QTMAN: variants seen among roughly 807,000 people sequenced by gnomAD.
QTMAN encodes queuosine-tRNA mannosyltransferase, also known as tRNA-queuosine alpha-mannosyltransferase.
At chr2:144,156,594 A>G in the QTMAN span, among the ~76,000 whole-genome samples, 1 of 152,096 alleles carries the variant, frequency 6.6e-6, no homozygotes, top group African/African-American at 2.4e-5. Flanking sequence ...ACAGAGGGGA[A>G]ACATTTAAAA....
chr2:144,177,802 GC>G, the QTMAN span, among the ~76,000 whole-genome samples: 1 of 152,108 alleles, frequency 6.6e-6, no homozygotes, highest in Admixed American at 6.6e-5. Flanking sequence ...TTTTCTGGTA[GC>G]CAGTGAAATT....
chr2:144,184,976 A>G, the QTMAN span, among the ~76,000 whole-genome samples: 1 of 152,148 alleles, frequency 6.6e-6, no homozygotes, highest in Non-Finnish European at 1.5e-5. Flanking sequence ...AGCTTTTTCA[A>G]CTGTAAAAAA....
chr2:143,956,860 A>C, the QTMAN span, among the ~76,000 whole-genome samples: 1 of 152,120 alleles, frequency 6.6e-6, no homozygotes, highest in African/African-American at 2.4e-5. Context: ...AGTTATAAGA[A>C]TCCACACAGT....
At chr2:144,065,877 G>C in the QTMAN span, among the ~76,000 whole-genome samples, 1 of 150,968 alleles carries the variant, frequency 6.6e-6, no homozygotes. Flanking sequence ...TCCAGAAAGA[G>C]AGACATGTCA....
the QTMAN span, among the ~76,000 whole-genome samples, chr2:144,239,167 GAAAAGAAAA>G: frequency 2.4e-4 from 32 of 135,806 alleles, 1 homozygote; most frequent in Admixed American, 1.0e-3. Context: ...TTAAAAAAAA[GAAAAGAAAA>G]AAAAGAAAAA....
the QTMAN span, among the ~76,000 whole-genome samples, chr2:144,092,222 C>T: frequency 6.6e-6 from 1 of 151,008 alleles, no homozygotes; most frequent in South Asian, 2.1e-4. Context: ...GTCACCCAGG[C>T]TGGAGTGCAG....
chr2:144,197,566 G>A, the QTMAN span, among the ~76,000 whole-genome samples: 627 of 152,060 alleles, frequency 4.1e-3, 3 homozygotes, highest in African/African-American at 0.015. Context: ...GTTTAATTGT[G>A]ACCTCTGTAA....
At chr2:144,185,961 A>C in the QTMAN span, among the ~76,000 whole-genome samples, 1 of 152,234 alleles carries the variant, frequency 6.6e-6, no homozygotes, top group Non-Finnish European at 1.5e-5. Context: ...CAGGCAATGT[A>C]TGTTTGCCTG....
the QTMAN span, among the ~76,000 whole-genome samples, chr2:144,028,173 C>G: frequency 4.6e-5 from 7 of 152,138 alleles, no homozygotes; most frequent in African/African-American, 1.7e-4. Flanking sequence ...AGCAACCACA[C>G]CACTCTGCTC....
chr2:144,332,753 G>A, the QTMAN span, among the ~76,000 whole-genome samples: 1 of 151,960 alleles, frequency 6.6e-6, no homozygotes, highest in Non-Finnish European at 1.5e-5. Context: ...ACTGTCCCCC[G>A]GCCTCGCACT....
chr2:144,115,285 G>C, the QTMAN span, among the ~76,000 whole-genome samples: 1 of 152,118 alleles, frequency 6.6e-6, no homozygotes, highest in African/African-American at 2.4e-5. Context: ...CTCTACGGTG[G>C]TTGTCTCTTT....
chr2:144,299,114 C>G, the QTMAN span, among the ~76,000 whole-genome samples: 2 of 152,156 alleles, frequency 1.3e-5, no homozygotes, highest in Non-Finnish European at 2.9e-5. Context: ...TCAGCTTTCC[C>G]AGGTATGAGT....
the QTMAN span, among the ~76,000 whole-genome samples, chr2:144,107,351 T>C: frequency 5.9e-5 from 9 of 152,018 alleles, no homozygotes; most frequent in Admixed American, 2.0e-4. Flanking sequence ...AAAATTGATA[T>C]ACTGCTAGCA....
chr2:144,308,408 A>G, the QTMAN span, among the ~76,000 whole-genome samples: 5 of 152,008 alleles, frequency 3.3e-5, no homozygotes, highest in African/African-American at 1.2e-4. Context: ...CTTGTGATCC[A>G]CCCACCTCAG....
At chr2:144,200,337 T>C in the QTMAN span, among the ~76,000 whole-genome samples, 11 of 152,366 alleles carry the variant, frequency 7.2e-5, no homozygotes, top group East Asian at 1.9e-3. Flanking sequence ...TTAAAAGTCA[T>C]TGTTCATGGG....
At chr2:144,315,725 A>G in the QTMAN span, among the ~76,000 whole-genome samples, 2 of 152,168 alleles carry the variant, frequency 1.3e-5, no homozygotes, top group Middle Eastern at 3.2e-3. Context: ...TTGTTTGCCT[A>G]TGATCTGTTT....
the QTMAN span, among the ~76,000 whole-genome samples, chr2:143,969,504 C>T: frequency 6.6e-6 from 1 of 152,180 alleles, no homozygotes; most frequent in African/African-American, 2.4e-5. Flanking sequence ...AGTACCTGTC[C>T]TCATAGCATT....
At chr2:144,233,792 C>T in the QTMAN span, among the ~76,000 whole-genome samples, 3 of 152,122 alleles carry the variant, frequency 2.0e-5, no homozygotes, top group African/African-American at 7.2e-5. Flanking sequence ...CCGAAGAATG[C>T]ATTAACTGCC....
the QTMAN span, among the ~76,000 whole-genome samples, chr2:144,310,394 C>T: frequency 6.6e-6 from 1 of 152,176 alleles, no homozygotes; most frequent in Non-Finnish European, 1.5e-5. Flanking sequence ...TAAGCTACTA[C>T]AAAGACTTTA....
Sources: gnomAD v4.1 joint callset for allele counts (sites outside exome capture counted in the v4.1 genomes callset) on GRCh38, gnomAD v4.1.1 for gene constraint, MANE v1.5 for transcripts, NCBI Gene and HGNC (gene_info 2026-07-23, HGNC 2026-07-21) for gene names.